Variants in RASAL3 observed in about 807,000 individuals in gnomAD.
RASAL3 encodes the protein RAS protein activator like 3, also known as RAS protein activator like-3.
Under a neutral mutation model 105.5 loss-of-function variants are expected in RASAL3, and 74 were observed. That is an observed-to-expected ratio of 0.70 (90% CI 0.58 to 0.85). RASAL3 has a LOEUF of 0.85. Among genes scored for constraint, RASAL3 ranks in the 40% least tolerant of loss-of-function variants. The probability of loss-of-function intolerance (pLI) is 0.00; values close to 1 mark genes in which losing one functional copy is unlikely to be tolerated. For synonymous variants in RASAL3, 579 were observed against 591.6 expected (o/e 0.98, Z 0.31); for missense variants, 1,352 against 1,392.0 (o/e 0.97, Z 0.46).
intron 14 of RASAL3, 46 bp downstream of exon 14, chr19:15,454,103 C>G (rs1225372136): frequency 2.2e-6 from 3 of 1,392,898 alleles, no homozygotes; most frequent in African/African-American, 1.4e-5. Flanking sequence ...GAGCCCTGCT[C>G]CTTCCTGTTC....
intron 8 of RASAL3, 34 bp downstream of exon 8, chr19:15,458,294 G>A (rs1970392939): frequency 6.3e-7 from 1 of 1,591,446 alleles, no homozygotes; most frequent in Non-Finnish European, 8.6e-7. Flanking sequence ...CTGTGGGCGG[G>A]GTCTCCGTGT....
At chr19:15,458,705 C>T (rs925554429) in intron 6 of RASAL3, 50 bp from the exon 7 acceptor site, 3 of 1,589,444 alleles carry the variant, frequency 1.9e-6, no homozygotes, top group African/African-American at 2.7e-5. Context: ...CTTCCCCATC[C>T]CCCATAGCCT....
chr19:15,454,050 A>T, intron 14 of RASAL3, 99 bp downstream of exon 14: 2 of 841,688 alleles, frequency 2.4e-6, no homozygotes, highest in Non-Finnish European at 3.7e-6. Flanking sequence ...CCTGGGCTTG[A>T]CCTCTGCTCA....
rs1217693144 is a variant in RASAL3 at position 15,451,635 on chromosome 19, T to C, written c.*160A>G. 1 of 708,446 alleles carries C rather than the reference T, an allele frequency of 1.4e-6. No individual in the cohort carries two copies. The highest frequency in any genetic ancestry group is 2.2e-6 in the Non-Finnish European group (1 of 450,728). 43.9% of individuals were successfully genotyped at this position (708,446 alleles called of 1,614,324 possible). Reference sequence around the variant, plus strand: ...AAAGAAACCACCAATTTCACTGAAATCAAGATTTTACTGGGCAACTTCATA... The same window carrying C: ...AAAGAAACCACCAATTTCACTGAAACCAAGATTTTACTGGGCAACTTCATA... On this transcript the variant is annotated 3_prime_UTR_variant, in exon 18 of 18. Transcript: ENST00000343625.
Position 15,454,202 on chromosome 19 carries a change from C to G in RASAL3, c.2226G>C (p.Val742=). ...GGAGACGCATTGGCACTGACACAAG[C>G]ACAGGCTGGCCCTCCTCAATGGCTC... ...ILRAIEEGQP[V]LVSVPMRLPL... The change falls in exon 14 of 18, where the codon GTG becomes GTC. Residue 742 remains valine (V), a synonymous_variant. Coordinates refer to ENST00000343625, the MANE Select transcript of RASAL3 (RefSeq NM_022904.3). 6.4e-7 allele frequency: 1 copy of G among 1,570,852 alleles called. No homozygotes were observed. The highest frequency in any genetic ancestry group is 8.6e-7 in the Non-Finnish European group (1 of 1,157,724).
intron 2 of RASAL3, among the ~76,000 whole-genome samples, chr19:15,463,674 A>G (rs924158388): frequency 2.6e-5 from 4 of 152,212 alleles, no homozygotes; most frequent in Admixed American, 2.6e-4. Context: ...GCTAGAAGGT[A>G]GGAGAGTAGG....
chr19:15,458,556 G>T lies in RASAL3; in HGVS notation c.762C>A (p.Ser254Arg), dbSNP rs764788764. Residue 254 changes from serine (S) to arginine (R), a missense_variant, in exon 7 of 18, where the codon AGC (serine) becomes AGA (arginine). Physicochemically the swap from Ser to Arg is moderately radical, Grantham distance 110. Coordinates refer to ENST00000343625, the MANE Select transcript of RASAL3 (RefSeq NM_022904.3). ...GAAAGCAGTGGGGCTCCCCCAGGAG[G>T]CTGGGGTGCAGTGGCCAGATCCGCA... ...RDVRIWPLHP[S>R]LLGEPHCFQV... 1 of 1,613,852 alleles carries T rather than the reference G, an allele frequency of 6.2e-7. No individual in the cohort carries two copies. The highest frequency in any genetic ancestry group is 8.5e-7 in the Non-Finnish European group (1 of 1,179,806).
intron 2 of RASAL3, 86 bp from the exon 3 acceptor site, chr19:15,461,693 G>C: frequency 7.0e-7 from 1 of 1,422,698 alleles, no homozygotes; most frequent in Non-Finnish European, 9.2e-7. Context: ...GCTCATGGTG[G>C]GTTCCCTCCT....
At chr19:15,452,398 C>A in intron 16 of RASAL3, 1 of 590,286 alleles carries the variant, frequency 1.7e-6, no homozygotes, top group South Asian at 2.1e-5. Flanking sequence ...GTGCCCGGCC[C>A]AGCCAGGTTG....
rs574907372 is a variant in RASAL3, at chr19:15,454,766, T to A, written c.1849A>T (p.Ile617Phe). 6.2e-7 allele frequency: 1 copy of A among 1,605,092 alleles called. No individual in the cohort carries two copies. The highest frequency in any genetic ancestry group is 8.5e-7 in the Non-Finnish European group (1 of 1,176,074). ...SLFLRLLCPA[I>F]LAPSLFGLAP... Reference sequence around the variant, plus strand: ...AAACCAAAGAGGCTGGGTGCCAGGATGGCAGGGCACAGGAGCCGCAGGAAG... The same window carrying A: ...AAACCAAAGAGGCTGGGTGCCAGGAAGGCAGGGCACAGGAGCCGCAGGAAG... The change falls in exon 12 of 18, where the codon ATC (isoleucine) becomes TTC (phenylalanine). Residue 617 changes from isoleucine to phenylalanine, a missense_variant. This residue lies in a region of RASAL3 where 920 missense variants were observed against 919.6 expected (regional missense o/e 1.00). Coordinates refer to ENST00000343625, the MANE Select transcript of RASAL3 (RefSeq NM_022904.3).
In RASAL3 at chr19:15,461,582, C is replaced by A; in HGVS notation, c.354G>T (p.Glu118Asp). The A allele has an allele frequency of 2.6e-6, 4 of 1,530,686 alleles. No individual in the cohort carries two copies. Among genetic ancestry groups the A allele is most frequent in the South Asian group, 1.3e-5 (1 of 78,900 alleles). The allele number at this position is 1,530,686 out of a possible 1,614,324, so 94.8% of individuals were successfully genotyped here. A position where few individuals can be genotyped will look rare whatever the true frequency, so the allele number is the denominator to read the frequency against. The change falls in exon 3 of 18, where the codon GAG becomes GAT. Residue 118 changes from glutamate (E) to aspartate (D), a missense_variant. Around this residue, in one of 3 missense-constraint regions of RASAL3, gnomAD observed 344 missense variants for 339.6 expected, o/e 1.01. Coordinates refer to ENST00000343625, the MANE Select transcript of RASAL3 (RefSeq NM_022904.3). ...APELEPEPELEPPTPQIPEAP... is the reference protein window; with the variant it reads ...APELEPEPELDPPTPQIPEAP... Reference sequence around the variant, plus strand: ...CCTCAGGGATCTGTGGGGTAGGGGGCTCCAGCTCTGGCTCCGGCTCCAGCT... The same window carrying A: ...CCTCAGGGATCTGTGGGGTAGGGGGATCCAGCTCTGGCTCCGGCTCCAGCT...
At chr19:15,460,785 C>G (rs1415766058) in intron 5 of RASAL3, among the ~76,000 whole-genome samples, 13 of 152,186 alleles carry the variant, frequency 8.5e-5, no homozygotes, top group Non-Finnish European at 1.6e-4. Context: ...GTGTTGAACT[C>G]CTGGCCTCAA....
chr19:15,454,530 A>C lies in RASAL3; in HGVS notation c.1991T>G (p.Met664Arg). Reference sequence around the variant, plus strand: ...TCCATGTTCCTCCAGGAAGCTATTCATGAAGCCCATGTAGGCCTCCTTCTC... The same window carrying C: ...TCCATGTTCCTCCAGGAAGCTATTCCTGAAGCCCATGTAGGCCTCCTTCTC... ...FGEKEAYMGF[M>R]NSFLEEHGPA... The change falls in exon 13 of 18, where the codon ATG (methionine) becomes AGG (arginine). Residue 664 changes from methionine to arginine, a missense_variant. By Grantham distance (91) the Met-to-Arg change is moderately conservative. This residue lies in a region of RASAL3 where 920 missense variants were observed against 919.6 expected (regional missense o/e 1.00). Coordinates refer to ENST00000343625, the MANE Select transcript of RASAL3 (RefSeq NM_022904.3). 1 of 1,614,010 alleles carries C rather than the reference A, an allele frequency of 6.2e-7. No homozygotes were observed. Among genetic ancestry groups the C allele is most frequent in the Non-Finnish European group, 8.5e-7 (1 of 1,179,896 alleles).
Position 15,453,474 on chromosome 19 carries a change from C to A in RASAL3, c.2303G>T (p.Gly768Val). ...HSSLSAGEKPGFLAPRDLPKH... is the reference protein window; with the variant it reads ...HSSLSAGEKPVFLAPRDLPKH... ...GGGGAGGTCCCGGGGGGCCAGGAAG[C>A]CGGGCTTCTCCCCTGCGGAGAGGCT... Residue 768 changes from glycine to valine, a missense_variant, in exon 15 of 18, where the codon GGC becomes GTC. By Grantham distance (109) the Gly-to-Val change is moderately radical (BLOSUM62 -3). This residue lies in a region of RASAL3 where 920 missense variants were observed against 919.6 expected (regional missense o/e 1.00). Coordinates refer to ENST00000343625, the MANE Select transcript of RASAL3 (RefSeq NM_022904.3). This position sits in a 1 kb window ranked among gnomAD's most constrained non-coding sequence, Gnocchi z 4.2. 1 of 1,536,914 alleles carries A rather than the reference C, an allele frequency of 6.5e-7. No homozygotes were observed. Among genetic ancestry groups the A allele is most frequent in the Non-Finnish European group, 8.7e-7 (1 of 1,152,910 alleles).
rs1970492007 is a variant in RASAL3, at chr19:15,461,075, C to G, written c.591G>C (p.Gln197His). ...GCTGCCTTACCCGAACGTTGTGGAC[C>G]TGGTTGGGACCAGCAGTCTCCGGTT... The part of the protein sequence containing the change: ...KTEPETAGPN[Q>H]VHNVRGLLKR... Residue 197 changes from glutamine to histidine, a missense_variant, in exon 5 of 18, where the codon CAG (glutamine) becomes CAC (histidine). Transcript: ENST00000343625. The G allele has an allele frequency of 1.9e-6, 3 of 1,613,828 alleles. No individual in the cohort carries two copies. Among genetic ancestry groups the G allele is most frequent in the African/African-American group, 1.3e-5 (1 of 74,916 alleles).
At chr19:15,460,135 A>G in intron 6 of RASAL3, 68 bp downstream of exon 6, 3 of 1,307,836 alleles carry the variant, frequency 2.3e-6, no homozygotes, top group Admixed American at 4.3e-5. Flanking sequence ...TTGGAATGAT[A>G]TGCAGGAGGT....
intron 6 of RASAL3, 29 bp from the exon 7 acceptor site, chr19:15,458,684 C>G: frequency 6.2e-7 from 1 of 1,605,332 alleles, no homozygotes; most frequent in South Asian, 1.1e-5. Flanking sequence ...AGCACACCGT[C>G]ATTCCTGCCT....
At position 15,453,034 on chromosome 19, in the gene RASAL3, G is replaced by C; in HGVS notation, c.2670+73C>G. On this transcript the variant is annotated intron_variant, in intron 15 of 17. Coordinates refer to ENST00000343625, the MANE Select transcript of RASAL3 (RefSeq NM_022904.3). This position sits in a 1 kb window ranked among gnomAD's most constrained non-coding sequence, Gnocchi z 4.2. ...GAGCTGGGTACTTGAACCCAGACTT[G>C]CCTGGCCCTTCAGTCTTCCCCAGTC... 6.3e-7 allele frequency: 1 copy of C among 1,591,264 alleles called. No individual in the cohort carries two copies. The highest frequency in any genetic ancestry group is 8.5e-7 in the Non-Finnish European group (1 of 1,169,716).
chr19:15,462,938 G>A (rs1425478772), intron 2 of RASAL3, among the ~76,000 whole-genome samples: 1 of 151,408 alleles, frequency 6.6e-6, no homozygotes, highest in Admixed American at 6.6e-5. Flanking sequence ...GCAACAGAGC[G>A]AGACTCCATC....
Sources: allele counts gnomAD v4.1 joint callset (sites outside exome capture counted in the v4.1 genomes callset), GRCh38; gene constraint gnomAD v4.1.1; regional missense constraint gnomAD v4.1.1; non-coding constraint Gnocchi (gnomAD v3.1); transcripts MANE v1.5; gene names NCBI Gene and HGNC (gene_info 2026-07-23, HGNC 2026-07-21).